Variants in DDB1 observed in about 807,000 individuals in gnomAD.
DDB1 encodes the protein DNA damage-binding protein 1.
A neutral mutation model predicts 133.1 loss-of-function variants in DDB1; 18 were observed. That is an observed-to-expected ratio of 0.14 (90% CI 0.09 to 0.20). DDB1 has a LOEUF of 0.20. Among genes scored for constraint, DDB1 ranks in the 10% least tolerant of loss-of-function variants. The probability of loss-of-function intolerance (pLI) is 1.00; values close to 1 mark genes in which losing one functional copy is unlikely to be tolerated. For synonymous variants in DDB1, 580 were observed against 550.5 expected (o/e 1.05, Z -0.75); for missense variants, 828 against 1,459.2 (o/e 0.57, Z 7.05).
At chr11:61,302,897 T>A in intron 23 of DDB1, 146 bp from the exon 24 acceptor site, 1 of 1,291,706 alleles carries the variant, frequency 7.7e-7, no homozygotes, top group Non-Finnish European at 1.1e-6. Context: ...AAGAGGTGGA[T>A]TTCTGTCACC....
chr11:61,317,185 CT>C (rs2134919006), intron 10 of DDB1, among the ~76,000 whole-genome samples: 1 of 151,932 alleles, frequency 6.6e-6, no homozygotes, highest in East Asian at 1.9e-4. Context: ...CCGATCTCAG[CT>C]CACTGCAAGC....
At position 61,312,078 on chromosome 11, in the gene DDB1, C is replaced by A; in HGVS notation, c.2076G>T (p.Ala692=). 1 of 1,614,134 alleles carries A rather than the reference C, an allele frequency of 6.2e-7. No homozygotes were observed. The highest frequency in any genetic ancestry group is 8.5e-7 in the Non-Finnish European group (1 of 1,180,024). Residue 692 remains alanine (A), a synonymous_variant, in exon 17 of 27, where the codon GCG becomes GCT. Transcript: ENST00000301764. ...LNSDGYPDSL[A]LANNSTLTIG... Reference sequence around the variant, plus strand: ...TGGTGAGGGTGCTATTGTTGGCCAGCGCCAGGCTGGAAAGAAGGGTCTGGG... The same window carrying A: ...TGGTGAGGGTGCTATTGTTGGCCAGAGCCAGGCTGGAAAGAAGGGTCTGGG...
chr11:61,303,413 G>A (rs1321352774), intron 22 of DDB1: 1 of 407,250 alleles, frequency 2.5e-6, no homozygotes, highest in Non-Finnish European at 4.5e-6. Context: ...TCAGGGCCGG[G>A]CACAGTGGCT....
intron 3 of DDB1, 62 bp from the exon 4 acceptor site, chr11:61,329,646 G>C: frequency 6.7e-7 from 1 of 1,488,834 alleles, no homozygotes; most frequent in Non-Finnish European, 9.1e-7. Context: ...AGAGGACGCT[G>C]GGCACCACTT....
chr11:61,313,722 C>A lies in DDB1; in HGVS notation c.1862-16G>T. 2 of 1,594,672 alleles carry A rather than the reference C, an allele frequency of 1.3e-6. No homozygotes were observed. The highest frequency in any genetic ancestry group is 8.5e-7 in the Non-Finnish European group (1 of 1,170,328). On this transcript the variant is annotated splice_polypyrimidine_tract_variant and intron_variant, in intron 15 of 26. Coordinates refer to ENST00000301764, the MANE Select transcript of DDB1 (RefSeq NM_001923.5). ...CTCAACAGACCTACAGAGAGAATGA[C>A]ATCAGGAGAAAGGAAGAAAGAAAAC...
chr11:61,317,445 T>C (rs1201161808), intron 10 of DDB1, among the ~76,000 whole-genome samples: 1 of 152,228 alleles, frequency 6.6e-6, no homozygotes. Flanking sequence ...GTTTTGAGCC[T>C]ATTTTAAATT....
rs1856072314 is a variant in DDB1 at position 61,316,647 on chromosome 11, G to A, written c.1226-80C>T. 82 of 1,444,838 alleles carry A rather than the reference G, an allele frequency of 5.7e-5. No homozygotes were observed. In the South Asian group the frequency reaches 8.6e-4, roughly 15 times the overall value. 89.5% of individuals were successfully genotyped at this position (1,444,838 alleles called of 1,614,324 possible). On this transcript the variant is annotated intron_variant, in intron 10 of 26. Coordinates refer to ENST00000301764, the MANE Select transcript of DDB1 (RefSeq NM_001923.5). ...ATATCTACGGACAGGGCAGGCCAGG[G>A]GCAGTGGCTCATGCCTATAATCTCA... is the stretch of plus-strand genomic sequence containing the variant.
At chr11:61,313,316 T>C (rs376765269) in intron 16 of DDB1, among the ~76,000 whole-genome samples, 183 bp downstream of exon 16, 1 of 152,206 alleles carries the variant, frequency 6.6e-6, no homozygotes, top group African/African-American at 2.4e-5. Flanking sequence ...CCAAAAATCC[T>C]GTAGTTTTAA....
chr11:61,303,504 A>T (rs1590678516), intron 22 of DDB1: 1 of 304,470 alleles, frequency 3.3e-6, no homozygotes. Flanking sequence ...CTGGCTAACA[A>T]GGTGAAACCC....
chr11:61,324,831 G>A (rs1359848307), intron 6 of DDB1, among the ~76,000 whole-genome samples: 1 of 152,132 alleles, frequency 6.6e-6, no homozygotes, highest in Non-Finnish European at 1.5e-5. Context: ...CTTGAGCCCT[G>A]AAAACATTAC....
At position 61,309,898 on chromosome 11, in the gene DDB1, C is replaced by T. The variant is rs372773947; in HGVS notation, c.2464G>A (p.Gly822Ser). The T allele has an allele frequency of 6.2e-6, 10 of 1,614,092 alleles. No individual in the cohort carries two copies. Among genetic ancestry groups the T allele is most frequent in the Middle Eastern group, 3.3e-4 (2 of 6,084 alleles). Residue 822 changes from glycine (G) to serine (S), a missense_variant, in exon 20 of 27, where the codon GGC becomes AGC. Physicochemically the swap from Gly to Ser is moderately conservative, Grantham distance 56 (BLOSUM62 0). Coordinates refer to ENST00000301764, the MANE Select transcript of DDB1 (RefSeq NM_001923.5). ...ATGAAGTAAGTGTTGGGGTCTTTGCCCAGCTTGCAGGAAACCAGACTGAGG... is the reference window on the plus strand; with the variant it reads ...ATGAAGTAAGTGTTGGGGTCTTTGCTCAGCTTGCAGGAAACCAGACTGAGG... ...YALSLVSCKL[G>S]KDPNTYFIVG...
rs540905134 is a variant in DDB1, at chr11:61,325,863, C to T, written c.665-155G>A. ...AGCCCAGGGAACATGATAGCCTTTA[C>T]GAGACTCTTAGAATTTGTTAACTGG... On this transcript the variant is annotated intron_variant, in intron 5 of 26. Coordinates refer to ENST00000301764, the MANE Select transcript of DDB1 (RefSeq NM_001923.5). The T allele has an allele frequency of 1.0e-3, 728 of 701,782 alleles. 2 individuals are homozygous for T. Among genetic ancestry groups the T allele is most frequent in the Non-Finnish European group, 1.5e-3 (589 of 386,406 alleles). 43.5% of individuals were successfully genotyped at this position (701,782 alleles called of 1,614,324 possible). A position where few individuals can be genotyped will look rare whatever the true frequency, so the allele number is the denominator to read the frequency against.
Position 61,330,074 on chromosome 11 carries a change from C to G in DDB1, c.211G>C (p.Gly71Arg), listed in dbSNP as rs770470270. ...ATAAACAGCAGGTCCTTGCTCTCCC[C>G]CTGGAAACCAATATTATGCTATCAA... Reference protein sequence around the residue: ...IAVMELFRPKGESKDLLFILT... With the variant: ...IAVMELFRPKRESKDLLFILT... Residue 71 changes from glycine to arginine, a missense_variant and splice_region_variant, in exon 3 of 27, where the codon GGG (glycine) becomes CGG (arginine). Physicochemically the swap from Gly to Arg is moderately radical, Grantham distance 125. Coordinates refer to ENST00000301764, the MANE Select transcript of DDB1 (RefSeq NM_001923.5). 6.2e-7 allele frequency: 1 copy of G among 1,611,444 alleles called. No individual in the cohort carries two copies. Among genetic ancestry groups the G allele is most frequent in the Non-Finnish European group, 8.5e-7 (1 of 1,177,956 alleles).
intron 1 of DDB1, 129 bp from the exon 2 acceptor site, chr11:61,331,820 C>T: frequency 7.8e-7 from 1 of 1,284,920 alleles, no homozygotes; most frequent in Non-Finnish European, 1.1e-6. Flanking sequence ...CCAACTCCCT[C>T]CAGCTACTCC....
chr11:61,313,894 G>A lies in DDB1; in HGVS notation c.1829C>T (p.Ala610Val), dbSNP rs750025096. 9 of 1,613,976 alleles carry A rather than the reference G, an allele frequency of 5.6e-6. No homozygotes were observed. The highest frequency in any genetic ancestry group is 1.7e-5 in the Admixed American group (1 of 59,994). The change falls in exon 15 of 27, where the codon GCG becomes GTG. Residue 610 changes from alanine (A) to valine (V), a missense_variant. By Grantham distance (64) the Ala-to-Val change is moderately conservative. Around this residue, in one of 7 missense-constraint regions of DDB1, gnomAD observed 396 missense variants for 554.1 expected, o/e 0.71. Transcript: ENST00000301764. Reference protein sequence around the residue: ...HYLLCALGDGALFYFGLNIET... With the variant: ...HYLLCALGDGVLFYFGLNIET... ...AATGTTGAGCCCAAAGTAGAAAAGC[G>A]CTCCATCTCCCAAGGCACAAAGGAG...
chr11:61,319,016 T>C (rs763074700), intron 10 of DDB1, among the ~76,000 whole-genome samples: 6 of 152,140 alleles, frequency 3.9e-5, no homozygotes, highest in South Asian at 2.1e-4. Context: ...CTGGGCAACA[T>C]AGGGAGACCC....
intron 7 of DDB1, 65 bp downstream of exon 7, chr11:61,323,914 C>G (rs1195984099): frequency 3.2e-6 from 5 of 1,574,536 alleles, no homozygotes; most frequent in Non-Finnish European, 4.4e-6. Flanking sequence ...GGTGTGGGAC[C>G]ACACATTTGG....
chr11:61,313,419 G>C, intron 16 of DDB1, 80 bp downstream of exon 16: 1 of 1,308,786 alleles, frequency 7.6e-7, no homozygotes, highest in Non-Finnish European at 1.1e-6. Flanking sequence ...CCGGAAAAAG[G>C]CTTTGAGGTA....
intron 25 of DDB1, 103 bp downstream of exon 25, chr11:61,302,154 G>T: frequency 9.8e-7 from 1 of 1,019,484 alleles, no homozygotes; most frequent in Non-Finnish European, 1.5e-6. Context: ...GTTCTGTACA[G>T]GAACCTAATC....
Sources: allele counts gnomAD v4.1 joint callset (sites outside exome capture counted in the v4.1 genomes callset), GRCh38; gene constraint gnomAD v4.1.1; regional missense constraint gnomAD v4.1.1; transcripts MANE v1.5; gene names NCBI Gene and HGNC (gene_info 2026-07-23, HGNC 2026-07-21).